Variants in GALNTL6 observed in about 807,000 individuals in gnomAD.
The protein encoded by GALNTL6 is polypeptide N-acetylgalactosaminyltransferase like 6.
GALNTL6 carries 46 observed loss-of-function variants against 73.7 expected under a neutral mutation model. The ratio of observed to expected loss-of-function variants is 0.62; its 90% confidence interval spans 0.49 to 0.80. The LOEUF is 0.80. Among genes scored for constraint, GALNTL6 ranks in the 30% least tolerant of loss-of-function variants. GALNTL6 has a pLI of 0.00. For synonymous variants in GALNTL6, 259 were observed against 263.7 expected (o/e 0.98, Z 0.17); for missense variants, 604 against 755.0 (o/e 0.80, Z 2.34).
chr4:172,071,914 T>C (rs1408242067), intron 2 of GALNTL6, among the ~76,000 whole-genome samples: 1 of 152,190 alleles, frequency 6.6e-6, no homozygotes, highest in East Asian at 1.9e-4. Context: ...TTTCTTTGCT[T>C]GGGCTTAGGA....
In GALNTL6 at chr4:172,962,603, G is replaced by T. The variant is rs145253746; in HGVS notation, c.1371+10345G>T. Among the ~76,000 whole-genome samples, 55 of 152,232 alleles carry T rather than the reference G, an allele frequency of 3.6e-4. No individual in the cohort carries two copies. In the East Asian group the frequency reaches 7.5e-3, roughly 21 times the overall value. On this transcript the variant is annotated intron_variant, in intron 10 of 12. Transcript: ENST00000506823. ...GGTGGTTCTTTTTAAGCATTTATGG[G>T]AAGGAACCACAAACCTCCAGCAATG...
chr4:172,306,633 G>A (rs950163319), intron 3 of GALNTL6, among the ~76,000 whole-genome samples: 1 of 152,124 alleles, frequency 6.6e-6, no homozygotes, highest in African/African-American at 2.4e-5. Flanking sequence ...TTACCCCTGA[G>A]TGCCCAGAGT....
intron 2 of GALNTL6, among the ~76,000 whole-genome samples, chr4:172,072,672 T>C (rs1273433370): frequency 6.6e-6 from 1 of 152,190 alleles, no homozygotes; most frequent in Non-Finnish European, 1.5e-5. Context: ...TTAGGGTCCT[T>C]GATTCTTCTT....
chr4:172,938,774 A>G (rs972317999), intron 9 of GALNTL6, among the ~76,000 whole-genome samples: 13 of 152,216 alleles, frequency 8.5e-5, no homozygotes, highest in African/African-American at 3.1e-4. Context: ...GTGGCCTATC[A>G]TGGGTTTTCT....
At chr4:172,349,359 T>G (rs1741863394) in intron 5 of GALNTL6, among the ~76,000 whole-genome samples, 1 of 152,170 alleles carries the variant, frequency 6.6e-6, no homozygotes. Flanking sequence ...TATATTTTAT[T>G]GCACGAAGGA....
intron 5 of GALNTL6, among the ~76,000 whole-genome samples, chr4:172,361,664 T>A (rs1742375605): frequency 6.6e-6 from 1 of 152,174 alleles, no homozygotes; most frequent in Admixed American, 6.6e-5. Context: ...TAACCCCCTT[T>A]TTTTCATTAG....
At chr4:172,258,374 A>T (rs1202742975) in intron 3 of GALNTL6, among the ~76,000 whole-genome samples, 3 of 151,062 alleles carry the variant, frequency 2.0e-5, no homozygotes, top group East Asian at 3.9e-4. Context: ...TTAGGTCTAG[A>T]TATGGTTTTA....
intron 2 of GALNTL6, among the ~76,000 whole-genome samples, chr4:172,037,855 T>C (rs896711706): frequency 1.3e-5 from 2 of 152,168 alleles, no homozygotes; most frequent in Non-Finnish European, 2.9e-5. Context: ...CGTTGGCTCA[T>C]GCCTGTAATC....
At chr4:171,825,079 A>G (rs1021318202) in intron 2 of GALNTL6, among the ~76,000 whole-genome samples, 2 of 152,100 alleles carry the variant, frequency 1.3e-5, no homozygotes, top group African/African-American at 4.8e-5. Flanking sequence ...TTCTGCCCTC[A>G]GGGAAAAAAC....
At chr4:172,240,471 T>C (rs968550508) in intron 3 of GALNTL6, among the ~76,000 whole-genome samples, 4 of 152,092 alleles carry the variant, frequency 2.6e-5, no homozygotes, top group Admixed American at 6.5e-5. Context: ...GACCTCGTGA[T>C]CCACCCACCT....
chr4:172,240,768 C>G (rs1356074725), intron 3 of GALNTL6, among the ~76,000 whole-genome samples: 1 of 152,014 alleles, frequency 6.6e-6, no homozygotes, highest in Non-Finnish European at 1.5e-5. Context: ...CCTTAGATTC[C>G]TTGGATTGAG....
At chr4:172,225,834 A>T (rs1217092758) in intron 2 of GALNTL6, among the ~76,000 whole-genome samples, 1 of 152,142 alleles carries the variant, frequency 6.6e-6, no homozygotes. Flanking sequence ...GGTAATGCTG[A>T]TGCTGCTGGT....
chr4:172,814,256 T>C (rs1405476483), intron 7 of GALNTL6, among the ~76,000 whole-genome samples: 1 of 152,188 alleles, frequency 6.6e-6, no homozygotes, highest in African/African-American at 2.4e-5. Flanking sequence ...GAGTCAATTA[T>C]CTTTGATAAT....
chr4:172,268,778 G>A lies in GALNTL6; in HGVS notation c.247+39014G>A, dbSNP rs149484065. ...TTTAGAAGAAAAGGAAGAAACAGGA[G>A]CTCATGCTCTCCCTCTTCCATGTGA... On this transcript the variant is annotated intron_variant, in intron 3 of 12. Coordinates refer to ENST00000506823, the MANE Select transcript of GALNTL6 (RefSeq NM_001034845.3). Among the ~76,000 whole-genome samples the A allele has an allele frequency of 2.3e-3, 356 of 152,216 alleles. 4 individuals carry two copies. The highest frequency in any genetic ancestry group is 8.2e-3 in the African/African-American group (342 of 41,552).
At chr4:172,561,239 G>C (rs1260195777) in intron 5 of GALNTL6, among the ~76,000 whole-genome samples, 1 of 112,890 alleles carries the variant, frequency 8.9e-6, no homozygotes, top group Non-Finnish European at 1.6e-5. Flanking sequence ...CGGCCTGGGC[G>C]ACAGAGAGAG....
At chr4:172,265,161 A>G (rs1738408710) in intron 3 of GALNTL6, among the ~76,000 whole-genome samples, 1 of 152,050 alleles carries the variant, frequency 6.6e-6, no homozygotes, top group African/African-American at 2.4e-5. Flanking sequence ...ATAGTTGAGA[A>G]GGGGATGGTA....
intron 4 of GALNTL6, among the ~76,000 whole-genome samples, chr4:172,333,299 G>C (rs1380255121): frequency 6.6e-6 from 1 of 152,116 alleles, no homozygotes; most frequent in African/African-American, 2.4e-5. Context: ...CAGCTACTCG[G>C]GAGGCTGAGG....
At chr4:172,419,952 A>G (rs1384454222) in intron 5 of GALNTL6, among the ~76,000 whole-genome samples, 1 of 152,140 alleles carries the variant, frequency 6.6e-6, no homozygotes, top group East Asian at 1.9e-4. Flanking sequence ...TTTTGATTCT[A>G]CTTGATTCTA....
intron 2 of GALNTL6, among the ~76,000 whole-genome samples, chr4:171,857,896 T>C (rs1316461199): frequency 1.3e-5 from 2 of 152,182 alleles, no homozygotes; most frequent in East Asian, 1.9e-4. Flanking sequence ...TAGCAGAATT[T>C]AGTGAACCAC....
Sources: allele counts gnomAD v4.1 joint callset (sites outside exome capture counted in the v4.1 genomes callset), GRCh38; gene constraint gnomAD v4.1.1; transcripts MANE v1.5; gene names NCBI Gene and HGNC (gene_info 2026-07-23, HGNC 2026-07-21).